The following GNAQ variants were observed in gnomAD, a reference collection of about 807,000 sequenced individuals.
The protein encoded by GNAQ is guanine nucleotide-binding protein G(q) subunit alpha.
A neutral mutation model predicts 43.9 loss-of-function variants in GNAQ; 8 were observed. That is an observed-to-expected ratio of 0.18 (90% confidence interval 0.11 to 0.33). The LOEUF (loss-of-function observed/expected upper bound fraction) is 0.33, where lower values mean the gene tolerates loss of function less well. Ranked by LOEUF, GNAQ falls within the 10% of genes least tolerant of loss-of-function variation. The probability of loss-of-function intolerance (pLI) is 1.00; values close to 1 mark genes in which losing one functional copy is unlikely to be tolerated. For synonymous variants in GNAQ, 155 were observed against 170.7 expected (o/e 0.91, Z 0.71); for missense variants, 158 against 450.8 (o/e 0.35, Z 5.88).
At chr9:78,025,557 C>T (rs1823967186) in intron 1 of GNAQ, among the ~76,000 whole-genome samples, 2 of 152,264 alleles carry the variant, frequency 1.3e-5, no homozygotes, top group Middle Eastern at 3.4e-3. Flanking sequence ...AATGTGACTG[C>T]CTCCCGTTCC....
chr9:77,938,183 T>C (rs1054318992), intron 1 of GNAQ, among the ~76,000 whole-genome samples: 17 of 152,248 alleles, frequency 1.1e-4, no homozygotes, highest in African/African-American at 3.4e-4. Flanking sequence ...ATAGTTGTTA[T>C]ACTGTATTGT....
At chr9:77,774,878 G>A (rs1293473036) in intron 5 of GNAQ, among the ~76,000 whole-genome samples, 1 of 152,062 alleles carries the variant, frequency 6.6e-6, no homozygotes, top group East Asian at 1.9e-4. Context: ...TAAAAATGCA[G>A]GTAAGTAAAA....
At chr9:77,879,138 C>G (rs1404453116) in intron 2 of GNAQ, among the ~76,000 whole-genome samples, 3 of 151,942 alleles carry the variant, frequency 2.0e-5, no homozygotes, top group Non-Finnish European at 4.4e-5. Context: ...CTAAGAGCAT[C>G]TGAAAAATAG....
intron 5 of GNAQ, among the ~76,000 whole-genome samples, chr9:77,759,528 TCAA>T (rs1241174437): frequency 6.6e-6 from 1 of 152,202 alleles, no homozygotes; most frequent in Non-Finnish European, 1.5e-5. Flanking sequence ...GTTTCCTTCA[TCAA>T]CAACTACAGC....
At chr9:77,722,295 C>G (rs1405777910) in intron 6 of GNAQ, among the ~76,000 whole-genome samples, 3 of 151,842 alleles carry the variant, frequency 2.0e-5, no homozygotes, top group African/African-American at 7.2e-5. Flanking sequence ...TGCCATCATG[C>G]TTGGCTAATT....
intron 2 of GNAQ, among the ~76,000 whole-genome samples, chr9:77,914,336 G>A (rs2118231779): frequency 6.6e-6 from 1 of 152,228 alleles, no homozygotes; most frequent in East Asian, 1.9e-4. Flanking sequence ...CATCAAATTG[G>A]CCATGAAAAG....
intron 1 of GNAQ, among the ~76,000 whole-genome samples, chr9:77,955,657 T>A (rs909616814): frequency 1.3e-5 from 2 of 152,320 alleles, no homozygotes; most frequent in East Asian, 3.9e-4. Flanking sequence ...AAGATCAAAA[T>A]AGGTATTTAA....
At chr9:77,899,869 G>A (rs912240180) in intron 2 of GNAQ, among the ~76,000 whole-genome samples, 2 of 152,190 alleles carry the variant, frequency 1.3e-5, no homozygotes, top group African/African-American at 2.4e-5. Flanking sequence ...TGCTGATTCA[G>A]CAAGAACAAA....
chr9:77,816,965 T>C (rs934060396), intron 2 of GNAQ, among the ~76,000 whole-genome samples: 3 of 152,208 alleles, frequency 2.0e-5, no homozygotes, highest in African/African-American at 7.2e-5. Flanking sequence ...TCACCTTTCT[T>C]ATTTGTTCTG....
At chr9:77,947,841 A>T (rs1484996860) in intron 1 of GNAQ, among the ~76,000 whole-genome samples, 1 of 152,224 alleles carries the variant, frequency 6.6e-6, no homozygotes, top group Non-Finnish European at 1.5e-5. Flanking sequence ...GCCTGGTCTC[A>T]GAGCACAGGT....
At chr9:77,727,074 C>T (rs1825406761) in intron 6 of GNAQ, among the ~76,000 whole-genome samples, 1 of 147,348 alleles carries the variant, frequency 6.8e-6, no homozygotes, top group Non-Finnish European at 1.5e-5. Context: ...GATTATCTTG[C>T]CAAATAAATA....
At chr9:77,928,887 A>C (rs1309753254) in intron 1 of GNAQ, among the ~76,000 whole-genome samples, 1 of 152,010 alleles carries the variant, frequency 6.6e-6, no homozygotes, top group Non-Finnish European at 1.5e-5. Flanking sequence ...AGACGTAGTG[A>C]GGCGCCTATA....
At chr9:78,000,986 G>A (rs1823636466) in intron 1 of GNAQ, among the ~76,000 whole-genome samples, 1 of 152,156 alleles carries the variant, frequency 6.6e-6, no homozygotes. Flanking sequence ...GACTAGCTGG[G>A]TATCAGAGCA....
chr9:77,940,064 T>C (rs1330699632), intron 1 of GNAQ, among the ~76,000 whole-genome samples: 2 of 152,186 alleles, frequency 1.3e-5, no homozygotes, highest in African/African-American at 4.8e-5. Flanking sequence ...ACAATAGTCC[T>C]AGGCAAACTG....
chr9:77,892,389 C>A (rs1828420325), intron 2 of GNAQ, among the ~76,000 whole-genome samples: 1 of 152,198 alleles, frequency 6.6e-6, no homozygotes, highest in African/African-American at 2.4e-5. Flanking sequence ...GATTATCAAA[C>A]ACAAAATAAA....
intron 5 of GNAQ, among the ~76,000 whole-genome samples, chr9:77,789,610 A>G (rs1337192362): frequency 6.6e-6 from 1 of 152,090 alleles, no homozygotes; most frequent in East Asian, 1.9e-4. Context: ...TTTTTTGCAG[A>G]GGGGTGAATA....
At chr9:77,817,757 G>T (rs894332938) in intron 2 of GNAQ, among the ~76,000 whole-genome samples, 13 of 152,124 alleles carry the variant, frequency 8.5e-5, no homozygotes. Flanking sequence ...TGAGAATATA[G>T]AACAGAATGC....
Position 78,031,660 on chromosome 9 carries a change from G to C in GNAQ, c.-425C>G, listed in dbSNP as rs1824064313. On this transcript the variant is annotated 5_prime_UTR_variant, in exon 1 of 7. Coordinates refer to ENST00000286548, the MANE Select transcript of GNAQ (RefSeq NM_002072.5). The stretch of plus-strand genomic sequence containing the variant: ...CTGGCGGCGAGAGCTCATTCACCGG[G>C]GTGTCCCCGCAGCGAGCGGCCGCCG... Among the ~76,000 whole-genome samples, 1 of 147,356 alleles carries C rather than the reference G, an allele frequency of 6.8e-6. No homozygotes were observed. Among genetic ancestry groups the C allele is most frequent in the South Asian group, 2.1e-4 (1 of 4,804 alleles).
chr9:77,888,884 G>A (rs1020178500), intron 2 of GNAQ, among the ~76,000 whole-genome samples: 1 of 152,096 alleles, frequency 6.6e-6, no homozygotes, highest in Non-Finnish European at 1.5e-5. Context: ...CAGAGTAGGG[G>A]AGAGGACACG....
Sources: gnomAD v4.1 joint callset for allele counts (sites outside exome capture counted in the v4.1 genomes callset) on GRCh38, gnomAD v4.1.1 for gene constraint, MANE v1.5 for transcripts, NCBI Gene and HGNC (gene_info 2026-07-23, HGNC 2026-07-21) for gene names.